Variants in PLA2G4C observed in about 807,000 individuals in gnomAD.
The protein encoded by PLA2G4C is phospholipase A2 group IVC.
A neutral mutation model predicts 73.8 loss-of-function variants in PLA2G4C; 64 were observed. The ratio of observed to expected loss-of-function variants is 0.87; its 90% CI spans 0.71 to 1.07. The LOEUF is 1.07. Among genes scored for constraint, PLA2G4C ranks in the 50% least tolerant of loss-of-function variants. PLA2G4C has a pLI of 0.00. For missense variants in PLA2G4C, 622 were observed against 665.4 expected, an observed-to-expected ratio of 0.93 and a Z score of 0.72; for synonymous variants, 254 against 252.1, an observed-to-expected ratio of 1.01 and a Z score of -0.07.
At chr19:48,050,123 T>C (rs1352154359) in intron 16 of PLA2G4C, among the ~76,000 whole-genome samples, 1 of 152,172 alleles carries the variant, frequency 6.6e-6, no homozygotes, top group Non-Finnish European at 1.5e-5. Context: ...GGCTTCACCA[T>C]GTTGGCCAGG....
chr19:48,105,244 A>C, intron 3 of PLA2G4C, 89 bp downstream of exon 3: 1 of 804,878 alleles, frequency 1.2e-6, no homozygotes, highest in Non-Finnish European at 2.1e-6. Context: ...CCTTCGGTCC[A>C]GCTCTCCCTG....
intron 1 of PLA2G4C, among the ~76,000 whole-genome samples, chr19:48,109,710 C>T (rs11083914): frequency 0.44 from 67,164 of 151,294 alleles, 15,241 homozygotes; most frequent in East Asian, 0.63. Context: ...AGTGCAGTGG[C>T]GCAGTCTCGG....
chr19:48,074,147 C>T (rs1226308459), intron 12 of PLA2G4C, among the ~76,000 whole-genome samples: 1 of 151,968 alleles, frequency 6.6e-6, no homozygotes, highest in South Asian at 2.1e-4. Context: ...CCACCCGCCC[C>T]CAACAGGCCC....
intron 7 of PLA2G4C, among the ~76,000 whole-genome samples, chr19:48,094,269 C>T (rs2031458617): frequency 6.6e-6 from 1 of 152,158 alleles, no homozygotes; most frequent in Non-Finnish European, 1.5e-5. Flanking sequence ...TTCAAGATAG[C>T]ATTTACTATG....
chr19:48,053,201 TTC>T, intron 15 of PLA2G4C, 54 bp from the exon 16 acceptor site: 1 of 1,408,942 alleles, frequency 7.1e-7, no homozygotes, highest in Non-Finnish European at 9.7e-7. Flanking sequence ...GGACAATTAA[TTC>T]TGCAGATTTT....
chr19:48,090,155 A>G (rs2031214892), intron 8 of PLA2G4C: 1 of 549,406 alleles, frequency 1.8e-6, no homozygotes, highest in Non-Finnish European at 3.3e-6. Context: ...TACATGTACC[A>G]GAGCAACATT....
rs1242542126 is a variant in PLA2G4C, at chr19:48,110,512, G to A, written c.-58C>T. ...CTGAGCCTGGGTCTGGGGCGTGTGC[G>A]CATGCGCGGTGGAGCTTGTGCTCCG... On this transcript the variant is annotated 5_prime_UTR_variant, in exon 1 of 17. Transcript: ENST00000599921. The A allele has an allele frequency of 9.8e-7, 1 of 1,025,504 alleles. No individual in the cohort carries two copies. 63.5% of individuals were successfully genotyped at this position (1,025,504 alleles called of 1,614,324 possible).
At chr19:48,057,325 G>T (rs1967979629) in intron 14 of PLA2G4C, among the ~76,000 whole-genome samples, 2 of 151,754 alleles carry the variant, frequency 1.3e-5, no homozygotes, top group Admixed American at 1.3e-4. Context: ...AGAGATGTCG[G>T]AGTAATGTCT....
intron 13 of PLA2G4C, among the ~76,000 whole-genome samples, chr19:48,062,975 G>A (rs370316045): frequency 3.9e-5 from 6 of 152,242 alleles, no homozygotes; most frequent in African/African-American, 7.2e-5. Flanking sequence ...ACACTGGTTC[G>A]GTCTGGAAAG....
At chr19:48,101,672 A>ATTTTTTT (rs1212838881) in intron 4 of PLA2G4C, among the ~76,000 whole-genome samples, 3 of 127,308 alleles carry the variant, frequency 2.4e-5, no homozygotes, top group Admixed American at 8.2e-5. Context: ...TTCCTTTAAT[A>ATTTTTTT]TCTTTTTTTT....
At chr19:48,106,754 G>GACCAA in intron 1 of PLA2G4C, 193 bp from the exon 2 acceptor site, 1 of 566,264 alleles carries the variant, frequency 1.8e-6, no homozygotes. Context: ...CGAGGAGAAT[G>GACCAA]GGAGAAATAT....
chr19:48,089,150 G>A (rs10414624), intron 8 of PLA2G4C, among the ~76,000 whole-genome samples: 11,789 of 152,152 alleles, frequency 0.077, 849 homozygotes, highest in African/African-American at 0.19. Context: ...ACATCAGCCC[G>A]GGCGTGGTGG....
intron 1 of PLA2G4C, among the ~76,000 whole-genome samples, chr19:48,108,498 T>C (rs1600275018): frequency 6.6e-6 from 1 of 152,192 alleles, no homozygotes; most frequent in African/African-American, 2.4e-5. Flanking sequence ...GGGGAAGTTA[T>C]AAATCATGCG....
At chr19:48,058,293 C>T (rs983124765) in intron 14 of PLA2G4C, among the ~76,000 whole-genome samples, 1 of 151,270 alleles carries the variant, frequency 6.6e-6, no homozygotes, top group Non-Finnish European at 1.5e-5. Flanking sequence ...GAGCGAAACT[C>T]CGTCTCAAAA....
intron 10 of PLA2G4C, among the ~76,000 whole-genome samples, chr19:48,083,902 C>T (rs1248608074): frequency 1.3e-5 from 2 of 152,100 alleles, no homozygotes; most frequent in East Asian, 1.9e-4. Flanking sequence ...TGTGTCTGCA[C>T]TCACCAACCA....
At position 48,062,303 on chromosome 19, in the gene PLA2G4C, T is replaced by C. The variant is rs534129859; in HGVS notation, c.1103-151A>G. Reference sequence around the variant, plus strand: ...CCAACTAGGAGCTGACTTCTCTCTCTTCCCAGATTCATATGTTGAAGCCCT... The same window carrying C: ...CCAACTAGGAGCTGACTTCTCTCTCCTCCCAGATTCATATGTTGAAGCCCT... On this transcript the variant is annotated intron_variant, in intron 13 of 16. Transcript: ENST00000599921. 41 of 606,908 alleles carry C rather than the reference T, an allele frequency of 6.8e-5. No homozygotes were observed. The African/African-American group carries it at 7.1e-4, about 11-fold the overall frequency. The allele number at this position is 606,908 out of a possible 1,614,324, so 37.6% of individuals were successfully genotyped here.
intron 10 of PLA2G4C, among the ~76,000 whole-genome samples, chr19:48,080,727 T>G (rs2122576164): frequency 6.6e-6 from 1 of 150,930 alleles, no homozygotes. Flanking sequence ...GAGAATCACT[T>G]GAACCCACGA....
chr19:48,097,983 T>C, intron 6 of PLA2G4C, 156 bp downstream of exon 6: 1 of 748,180 alleles, frequency 1.3e-6, no homozygotes, highest in Non-Finnish European at 2.1e-6. Flanking sequence ...GGGACTTCCC[T>C]CTTCTCTCGT....
chr19:48,048,502 G>A (rs1967604986), intron 16 of PLA2G4C, 114 bp from the exon 17 acceptor site: 1 of 603,060 alleles, frequency 1.7e-6, no homozygotes, highest in Non-Finnish European at 2.8e-6. Context: ...TTAGGAGAAA[G>A]ACATTCATCC....
Sources: allele counts gnomAD v4.1 joint callset (sites outside exome capture counted in the v4.1 genomes callset), GRCh38; gene constraint gnomAD v4.1.1; transcripts MANE v1.5; gene names NCBI Gene and HGNC (gene_info 2026-07-23, HGNC 2026-07-21).